PTPRT: variants seen among roughly 807,000 people sequenced by gnomAD.
PTPRT encodes the protein receptor-type tyrosine-protein phosphatase T.
In PTPRT, 56 loss-of-function variants were observed where a neutral mutation model predicts 176.8. That is an observed-to-expected ratio of 0.32 (90% CI 0.26 to 0.40). The LOEUF (loss-of-function observed/expected upper bound fraction) is 0.40, where lower values mean the gene tolerates loss of function less well. Ranked by LOEUF, PTPRT falls within the 10% of genes least tolerant of loss-of-function variation. The probability of loss-of-function intolerance (pLI) is 1.00; values close to 1 mark genes in which losing one functional copy is unlikely to be tolerated. For synonymous variants in PTPRT, 783 were observed against 739.0 expected, an observed-to-expected ratio of 1.06 and a Z score of -0.96; for missense variants, 1,540 against 1,908.2, an observed-to-expected ratio of 0.81 and a Z score of 3.60.
At chr20:42,515,542 A>G (rs2072046008) in intron 7 of PTPRT, among the ~76,000 whole-genome samples, 1 of 152,194 alleles carries the variant, frequency 6.6e-6, no homozygotes, top group African/African-American at 2.4e-5. Context: ...ATATTTTGCT[A>G]TTATACTTAT....
intron 7 of PTPRT, among the ~76,000 whole-genome samples, chr20:42,506,363 C>T (rs1185534686): frequency 1.3e-5 from 2 of 152,118 alleles, no homozygotes; most frequent in Non-Finnish European, 2.9e-5. Flanking sequence ...ATAAGCATAG[C>T]CCTATAGACC....
intron 6 of PTPRT, among the ~76,000 whole-genome samples, chr20:42,731,906 C>T (rs1274325755): frequency 6.6e-6 from 1 of 152,176 alleles, no homozygotes; most frequent in Non-Finnish European, 1.5e-5. Context: ...AAATGGCTGA[C>T]ATCTTCTCAT....
chr20:42,589,607 G>T (rs1209945458), intron 7 of PTPRT, among the ~76,000 whole-genome samples: 1 of 152,084 alleles, frequency 6.6e-6, no homozygotes, highest in East Asian at 1.9e-4. Flanking sequence ...AACTCAAAAT[G>T]CTTTATTGAC....
intron 9 of PTPRT, among the ~76,000 whole-genome samples, chr20:42,425,699 C>T (rs12480310): frequency 8.5e-5 from 13 of 152,160 alleles, no homozygotes; most frequent in East Asian, 3.9e-4. Context: ...CACTTCACAA[C>T]GTATACATAT....
intron 7 of PTPRT, among the ~76,000 whole-genome samples, chr20:42,490,081 C>T (rs935947565): frequency 6.6e-6 from 1 of 152,162 alleles, no homozygotes; most frequent in African/African-American, 2.4e-5. Context: ...TTGAGCTTTC[C>T]ATTCTGTTCT....
At chr20:42,665,322 C>G (rs1200153935) in intron 7 of PTPRT, among the ~76,000 whole-genome samples, 2 of 152,194 alleles carry the variant, frequency 1.3e-5, no homozygotes, top group African/African-American at 2.4e-5. Flanking sequence ...GACATTTATG[C>G]AGCCAAAAGA....
chr20:42,187,022 A>G (rs1455744154), intron 16 of PTPRT, among the ~76,000 whole-genome samples: 2 of 152,162 alleles, frequency 1.3e-5, no homozygotes, highest in African/African-American at 4.8e-5. Context: ...GCCCCATATA[A>G]TTAGGATATC....
At chr20:42,258,196 C>G (rs1352751229) in intron 13 of PTPRT, among the ~76,000 whole-genome samples, 1 of 152,206 alleles carries the variant, frequency 6.6e-6, no homozygotes, top group Non-Finnish European at 1.5e-5. Flanking sequence ...GCCACCCACT[C>G]TATCATGCAG....
chr20:42,098,444 G>A lies in PTPRT; in HGVS notation c.3823C>T (p.Leu1275=), dbSNP rs1420433781. 1.2e-6 allele frequency: 2 copies of A among 1,614,170 alleles called. No individual in the cohort carries two copies. Among genetic ancestry groups the A allele is most frequent in the East Asian group, 4.5e-5 (2 of 44,878 alleles). ...ACCTGGGCAGTGTCCATCTCATTCA[G>A]CATCACCACAGAGGAGCAGTTGTAA... ...FDYNCSSVVM[L]NEMDTAQFCM... Residue 1275 remains leucine, a synonymous_variant, in exon 27 of 31, where the codon CTG becomes TTG. Transcript: ENST00000373187.
intron 5 of PTPRT, among the ~76,000 whole-genome samples, chr20:42,758,183 G>C (rs754393639): frequency 6.6e-6 from 1 of 152,166 alleles, no homozygotes; most frequent in African/African-American, 2.4e-5. Flanking sequence ...TCTGGACTTA[G>C]GGAAACCTTA....
At chr20:42,570,780 G>A (rs1307022052) in intron 7 of PTPRT, among the ~76,000 whole-genome samples, 1 of 152,170 alleles carries the variant, frequency 6.6e-6, no homozygotes. Flanking sequence ...AAAGACCCTT[G>A]TGATACATTG....
chr20:42,735,734 G>A (rs570860201), intron 6 of PTPRT, among the ~76,000 whole-genome samples: 2 of 152,050 alleles, frequency 1.3e-5, no homozygotes, highest in East Asian at 2.0e-4. Context: ...AGTCTCCCAA[G>A]GACATGGCTG....
intron 2 of PTPRT, among the ~76,000 whole-genome samples, chr20:42,878,116 A>G (rs529983036): frequency 3.9e-5 from 6 of 152,354 alleles, no homozygotes; most frequent in South Asian, 2.1e-4. Context: ...GATAACTTCT[A>G]TTGGAGATGA....
chr20:42,764,366 A>G (rs2076955248), intron 5 of PTPRT, among the ~76,000 whole-genome samples: 1 of 152,234 alleles, frequency 6.6e-6, no homozygotes, highest in Admixed American at 6.5e-5. Flanking sequence ...AGGCAATTCA[A>G]AAATAATTCC....
intron 7 of PTPRT, among the ~76,000 whole-genome samples, chr20:42,516,234 C>A: frequency 6.9e-6 from 1 of 145,440 alleles, no homozygotes; most frequent in East Asian, 2.0e-4. Flanking sequence ...TGCACATGTA[C>A]CCTAAAACTT....
At chr20:42,206,208 T>G (rs1600674870) in intron 15 of PTPRT, among the ~76,000 whole-genome samples, 1 of 152,304 alleles carries the variant, frequency 6.6e-6, no homozygotes, top group Admixed American at 6.5e-5. Flanking sequence ...CCCCACTGAC[T>G]CAGAATTACT....
At chr20:43,026,348 C>T (rs1033746451) in intron 1 of PTPRT, among the ~76,000 whole-genome samples, 2 of 152,146 alleles carry the variant, frequency 1.3e-5, no homozygotes, top group African/African-American at 2.4e-5. Context: ...AAACTCCTGA[C>T]CTCGTTGTCT....
intron 1 of PTPRT, among the ~76,000 whole-genome samples, chr20:43,083,353 T>TATATATAC (rs1568774220): frequency 5.4e-5 from 7 of 128,450 alleles, no homozygotes; most frequent in African/African-American, 8.7e-5. Context: ...TATATATATA[T>TATATATAC]ATATATATAT....
At chr20:42,222,547 G>T (rs1220919912) in intron 15 of PTPRT, among the ~76,000 whole-genome samples, 1 of 152,110 alleles carries the variant, frequency 6.6e-6, no homozygotes, top group Non-Finnish European at 1.5e-5. Context: ...CTCTGAGAGG[G>T]TCCCACCTCA....
Sources: gnomAD v4.1 joint callset for allele counts (sites outside exome capture counted in the v4.1 genomes callset) on GRCh38, gnomAD v4.1.1 for gene constraint, MANE v1.5 for transcripts, NCBI Gene and HGNC (gene_info 2026-07-23, HGNC 2026-07-21) for gene names.